The following MOCOS variants were observed in gnomAD, a reference collection of about 807,000 sequenced individuals.
The protein encoded by MOCOS is molybdenum cofactor sulfurase, also known as human molybdenum cofactor sulfurase.
In MOCOS, 86 loss-of-function variants were observed where a neutral mutation model predicts 83.6. The ratio of observed to expected loss-of-function variants is 1.03; its 90% confidence interval spans 0.86 to 1.23. The LOEUF is 1.23. MOCOS is among the 50% of genes most tolerant of loss of function. The pLI, the probability that MOCOS is intolerant of heterozygous loss-of-function variation, is 0.00. For synonymous variants in MOCOS, 445 were observed against 434.7 expected, an observed-to-expected ratio of 1.02 and a Z score of -0.29; for missense variants, 1,120 against 1,126.9, an observed-to-expected ratio of 0.99 and a Z score of 0.09.
intron 13 of MOCOS, among the ~76,000 whole-genome samples, chr18:36,266,535 C>T (rs2091682540): frequency 6.6e-6 from 1 of 152,150 alleles, no homozygotes; most frequent in Non-Finnish European, 1.5e-5. Flanking sequence ...GTCAAGATCT[C>T]AGTCCCTCTT....
At chr18:36,242,933 C>A (rs1016425652) in intron 9 of MOCOS, among the ~76,000 whole-genome samples, 2 of 152,172 alleles carry the variant, frequency 1.3e-5, no homozygotes, top group African/African-American at 4.8e-5. Context: ...TTGTTTGTGT[C>A]ATCTATGATT....
chr18:36,207,411 C>A (rs543741678), intron 6 of MOCOS, among the ~76,000 whole-genome samples: 10 of 152,274 alleles, frequency 6.6e-5, no homozygotes, highest in Admixed American at 2.6e-4. Context: ...ATTTACATTC[C>A]CACTAGCAGT....
chr18:36,201,958 G>A (rs1293247516), intron 4 of MOCOS, among the ~76,000 whole-genome samples: 1 of 152,180 alleles, frequency 6.6e-6, no homozygotes, highest in African/African-American at 2.4e-5. Context: ...AAGGGCACCT[G>A]AAGGCCAGGA....
At chr18:36,260,446 T>A (rs2091659864) in intron 13 of MOCOS, among the ~76,000 whole-genome samples, 1 of 152,164 alleles carries the variant, frequency 6.6e-6, no homozygotes, top group Non-Finnish European at 1.5e-5. Context: ...TGTCGTTATG[T>A]CCAGACTTAA....
intron 11 of MOCOS, among the ~76,000 whole-genome samples, chr18:36,254,983 C>T (rs1219129167): frequency 6.6e-6 from 1 of 152,152 alleles, no homozygotes; most frequent in African/African-American, 2.4e-5. Context: ...ACCTTGGCCT[C>T]CCAAAGTGCT....
At chr18:36,226,499 C>G (rs978113221) in intron 9 of MOCOS, among the ~76,000 whole-genome samples, 2 of 151,624 alleles carry the variant, frequency 1.3e-5, no homozygotes, top group African/African-American at 4.8e-5. Flanking sequence ...TTCAGCCACT[C>G]TAAGTCTTTT....
At chr18:36,253,867 C>T (rs1465038610) in intron 11 of MOCOS, among the ~76,000 whole-genome samples, 3 of 151,860 alleles carry the variant, frequency 2.0e-5, no homozygotes, top group Non-Finnish European at 4.4e-5. Context: ...CCTGTGGCTG[C>T]GGAACTCACT....
rs2091405688 is a variant in MOCOS at position 36,199,993 on chromosome 18, A to G, written c.610A>G (p.Ser204Gly). The G allele has an allele frequency of 6.2e-7, 1 of 1,614,212 alleles. No individual in the cohort carries two copies. The highest frequency in any genetic ancestry group is 8.5e-7 in the Non-Finnish European group (1 of 1,180,038). ...GCATCTCTTCTGCTACCCAGCTCAG[A>G]GTAACTTTTCTGGAGTCAGATACCC... ...LPHLFCYPAQ[S>G]NFSGVRYPLS... is the part of the protein sequence containing the mutation. The change falls in exon 4 of 15, where the codon AGT becomes GGT. Residue 204 changes from serine to glycine, a missense_variant. Physicochemically the swap from Ser to Gly is moderately conservative, Grantham distance 56. Transcript: ENST00000261326.
chr18:36,258,599 A>T (rs900869501), intron 12 of MOCOS, among the ~76,000 whole-genome samples: 1 of 151,936 alleles, frequency 6.6e-6, no homozygotes, highest in Non-Finnish European at 1.5e-5. Context: ...CTCCTTCCCA[A>T]CCCCATAGTC....
At chr18:36,261,236 T>C (rs2091662485) in intron 13 of MOCOS, among the ~76,000 whole-genome samples, 1 of 152,162 alleles carries the variant, frequency 6.6e-6, no homozygotes, top group African/African-American at 2.4e-5. Context: ...TCTGAAATGC[T>C]CTAAAATATA....
chr18:36,243,802 T>A, intron 9 of MOCOS, among the ~76,000 whole-genome samples: 1 of 152,198 alleles, frequency 6.6e-6, no homozygotes, highest in East Asian at 1.9e-4. Flanking sequence ...CTACTTGTTA[T>A]TGGTCTGTTC....
chr18:36,191,031 AG>A lies in MOCOS; in HGVS notation c.142+3351del, dbSNP rs66510744. On this transcript the variant is annotated intron_variant, in intron 1 of 14. Coordinates refer to ENST00000261326, the MANE Select transcript of MOCOS (RefSeq NM_017947.4). The stretch of plus-strand genomic sequence containing the variant: ...AAGACCCTATCTCTCAAAAAAAAAA[AG>A]AAAAAGAAAAAAAAGTGTGTAGCAC... Among the ~76,000 whole-genome samples, 107 of 135,828 alleles carry A rather than the reference AG, an allele frequency of 7.9e-4. 4 individuals carry two copies. The highest frequency in any genetic ancestry group is 5.6e-3 in the East Asian group (23 of 4,124). The allele number at this position is 135,828 out of a possible 152,430, so 89.1% of individuals were successfully genotyped here.
At chr18:36,210,152 A>G (rs1191285045) in intron 6 of MOCOS, among the ~76,000 whole-genome samples, 1 of 152,214 alleles carries the variant, frequency 6.6e-6, no homozygotes, top group Non-Finnish European at 1.5e-5. Flanking sequence ...TGCTGTCCTT[A>G]TAGAATGAGT....
chr18:36,229,304 T>A (rs560612427), intron 9 of MOCOS, among the ~76,000 whole-genome samples: 1 of 152,284 alleles, frequency 6.6e-6, no homozygotes, highest in East Asian at 1.9e-4. Context: ...GGCAGGTTTG[T>A]TTCTTTTAAT....
chr18:36,190,073 A>G (rs971866097), intron 1 of MOCOS: 1 of 152,188 alleles, frequency 6.6e-6, no homozygotes, highest in African/African-American at 2.4e-5. Flanking sequence ...AAAATTAACC[A>G]TTGGACCAAA....
chr18:36,192,975 AAGTT>A lies in MOCOS; in HGVS notation c.143-2279_143-2276del, dbSNP rs1568047134. 1.6e-4 allele frequency among the ~76,000 whole-genome samples: 25 copies of A among 152,210 alleles called. No homozygotes were observed. The South Asian group carries it at 4.6e-3, about 28-fold the overall frequency. On this transcript the variant is annotated intron_variant, in intron 1 of 14. Transcript: ENST00000261326. Reference sequence around the variant, plus strand: ...AAAGCAATCTTGAAAAAGAAGATCAAAGTTAGAGGAATCACACTTTGCAGTTTCA... The same window carrying A: ...AAAGCAATCTTGAAAAAGAAGATCAAAGAGGAATCACACTTTGCAGTTTCA...
At chr18:36,212,079 C>A (rs1291919443) in intron 6 of MOCOS, among the ~76,000 whole-genome samples, 1 of 152,174 alleles carries the variant, frequency 6.6e-6, no homozygotes, top group Non-Finnish European at 1.5e-5. Context: ...CCCTTCCAGC[C>A]TGTGGACCAG....
At chr18:36,201,049 G>A (rs989440088) in intron 4 of MOCOS, among the ~76,000 whole-genome samples, 1 of 152,210 alleles carries the variant, frequency 6.6e-6, no homozygotes, top group South Asian at 2.1e-4. Flanking sequence ...CTGTAAGGTC[G>A]AGTGTGTCAA....
intron 11 of MOCOS, among the ~76,000 whole-genome samples, chr18:36,256,217 C>A (rs746421133): frequency 6.6e-6 from 1 of 152,018 alleles, no homozygotes; most frequent in Non-Finnish European, 1.5e-5. Flanking sequence ...TTTTAAACAT[C>A]TACTATCTAT....
Sources: allele counts gnomAD v4.1 joint callset (sites outside exome capture counted in the v4.1 genomes callset), GRCh38; gene constraint gnomAD v4.1.1; transcripts MANE v1.5; gene names NCBI Gene and HGNC (gene_info 2026-07-23, HGNC 2026-07-21).